The following NAV3 variants were observed in gnomAD, a reference collection of about 807,000 sequenced individuals.
NAV3 encodes neuron navigator 3.
Under a neutral mutation model 244.7 loss-of-function variants are expected in NAV3, and 87 were observed. The ratio of observed to expected loss-of-function variants is 0.36; its 90% CI spans 0.30 to 0.42. The LOEUF is 0.42. Among genes scored for constraint, NAV3 ranks in the 20% least tolerant of loss-of-function variants. The pLI is 1.00. For missense variants in NAV3, 2,663 were observed against 2,893.3 expected (o/e 0.92, Z 1.83); for synonymous variants, 1,126 against 1,042.2 (o/e 1.08, Z -1.55).
chr12:77,916,659 T>C (rs943531002), intron 1 of NAV3, among the ~76,000 whole-genome samples: 1 of 152,016 alleles, frequency 6.6e-6, no homozygotes, highest in African/African-American at 2.4e-5. Context: ...AGAAAAGGCA[T>C]TTGCAAAGAC....
At chr12:77,971,766 T>C (rs1461768579) in intron 5 of NAV3, among the ~76,000 whole-genome samples, 1 of 152,128 alleles carries the variant, frequency 6.6e-6, no homozygotes, top group Non-Finnish European at 1.5e-5. Flanking sequence ...GCTATACTTC[T>C]CTGGGTATTT....
chr12:77,805,359 G>A (rs1249933784), intron 2 of NAV3, among the ~76,000 whole-genome samples: 1 of 152,144 alleles, frequency 6.6e-6, no homozygotes, highest in Non-Finnish European at 1.5e-5. Context: ...CTAGTTTATT[G>A]AGAGTTTTTA....
intron 2 of NAV3, among the ~76,000 whole-genome samples, chr12:77,663,521 TC>T (rs1472563989): frequency 7.4e-6 from 1 of 135,444 alleles, no homozygotes; most frequent in South Asian, 2.2e-4. Flanking sequence ...TTCTTCTTCT[TC>T]TTTTTTTTTT....
Position 77,745,059 on chromosome 12 carries a change from A to G in NAV3, c.72+172793A>G, listed in dbSNP as rs577557502. 7.2e-5 allele frequency among the ~76,000 whole-genome samples: 11 copies of G among 152,126 alleles called. No individual in the cohort carries two copies. In the South Asian group the frequency reaches 2.1e-3, roughly 29 times the overall value. ...TCATTTTGGACAGTGAGGTGCTGCTACATAAGTGTGATAAGGAACACTAAT... is the reference window on the plus strand; with the variant it reads ...TCATTTTGGACAGTGAGGTGCTGCTGCATAAGTGTGATAAGGAACACTAAT... On this transcript the variant is annotated intron_variant, in intron 2 of 8. Coordinates refer to the NAV3 transcript ENST00000550042.
At chr12:78,159,117 A>G (rs1957420420) in intron 22 of NAV3, 86 bp from the exon 23 acceptor site, 2 of 1,109,002 alleles carry the variant, frequency 1.8e-6, no homozygotes, top group African/African-American at 3.2e-5. Flanking sequence ...AACACATGAA[A>G]TTAAGCATTT....
intron 2 of NAV3, among the ~76,000 whole-genome samples, chr12:77,720,138 TCTTA>T (rs1336287397): frequency 7.5e-6 from 1 of 133,078 alleles, no homozygotes; most frequent in Non-Finnish European, 1.6e-5. Flanking sequence ...GGCATCAGTT[TCTTA>T]CTTTACTTGA....
At chr12:78,143,496 T>C (rs1956718235) in intron 20 of NAV3, 1 of 336,958 alleles carries the variant, frequency 3.0e-6, no homozygotes, top group South Asian at 2.1e-5. Context: ...CCCGGTGTAG[T>C]GGCATACGTC....
chr12:78,179,751 G>C (rs1407809983), intron 29 of NAV3, 69 bp downstream of exon 29: 2 of 1,492,958 alleles, frequency 1.3e-6, no homozygotes, highest in African/African-American at 2.8e-5. Flanking sequence ...CTGTTCTCTT[G>C]GTTAACACAG....
chr12:77,736,878 G>A (rs1299912755), intron 2 of NAV3, among the ~76,000 whole-genome samples: 1 of 152,156 alleles, frequency 6.6e-6, no homozygotes, highest in Non-Finnish European at 1.5e-5. Flanking sequence ...AGGACTCTTG[G>A]GCAGCACTGT....
chr12:77,855,979 G>A (rs1217425369), intron 1 of NAV3, among the ~76,000 whole-genome samples: 1 of 152,112 alleles, frequency 6.6e-6, no homozygotes, highest in Non-Finnish European at 1.5e-5. Flanking sequence ...ATACAGATTC[G>A]TACTGCATTT....
At chr12:77,997,578 C>T (rs190273477) in intron 6 of NAV3, among the ~76,000 whole-genome samples, 146 of 152,296 alleles carry the variant, frequency 9.6e-4, no homozygotes, top group African/African-American at 3.3e-3. Flanking sequence ...GCTATTGTCA[C>T]TACATGTAAG....
chr12:77,953,968 G>T (rs1891132108), intron 3 of NAV3, among the ~76,000 whole-genome samples: 1 of 152,046 alleles, frequency 6.6e-6, no homozygotes. Flanking sequence ...TCTATCATTG[G>T]GCTGGAATCA....
At chr12:78,045,982 T>G (rs1191320630) in intron 9 of NAV3, among the ~76,000 whole-genome samples, 1 of 152,216 alleles carries the variant, frequency 6.6e-6, no homozygotes, top group African/African-American at 2.4e-5. Context: ...TGTCCAGGAA[T>G]TTATCCATTT....
intron 2 of NAV3, among the ~76,000 whole-genome samples, chr12:77,772,907 T>A (rs1870166322): frequency 6.6e-6 from 1 of 152,230 alleles, no homozygotes; most frequent in Non-Finnish European, 1.5e-5. Flanking sequence ...CCTTTCATTG[T>A]TGGCATTATG....
At position 78,100,275 on chromosome 12, in the gene NAV3, C is replaced by T. The variant is rs141718219; in HGVS notation, c.2637-16497C>T. 3.3e-3 allele frequency among the ~76,000 whole-genome samples: 500 copies of T among 151,832 alleles called. 3 individuals carry two copies. In the Middle Eastern group the frequency reaches 0.037, roughly 11 times the overall value. ...GATATAGTAACCTAATGTAGACTTC[C>T]CTTGATACATGAAAATAATGGTACT... On this transcript the variant is annotated intron_variant, in intron 12 of 39. Coordinates refer to ENST00000397909, the MANE Select transcript of NAV3 (RefSeq NM_001024383.2).
At chr12:77,655,485 G>A (rs527901720) in intron 2 of NAV3, among the ~76,000 whole-genome samples, 45 of 152,226 alleles carry the variant, frequency 3.0e-4, no homozygotes, top group Non-Finnish European at 5.0e-4. Flanking sequence ...TCTGATTGGT[G>A]TACCTGAAAG....
At chr12:78,034,793 A>G (rs758470140) in intron 9 of NAV3, among the ~76,000 whole-genome samples, 26 of 152,178 alleles carry the variant, frequency 1.7e-4, no homozygotes, top group Non-Finnish European at 3.8e-4. Flanking sequence ...TCTACTTAGG[A>G]ATTCTAAGGG....
intron 2 of NAV3, among the ~76,000 whole-genome samples, chr12:77,702,122 T>A (rs945971233): frequency 1.3e-5 from 2 of 152,030 alleles, no homozygotes; most frequent in African/African-American, 4.8e-5. Flanking sequence ...TTTTGCTTTG[T>A]GTATTTTGAA....
At chr12:78,160,316 C>G (rs1957474505) in intron 23 of NAV3, among the ~76,000 whole-genome samples, 1 of 151,512 alleles carries the variant, frequency 6.6e-6, no homozygotes, top group Non-Finnish European at 1.5e-5. Flanking sequence ...TGCTGTTAGT[C>G]CAGTGGCCTT....
Sources: gnomAD v4.1 joint callset for allele counts (sites outside exome capture counted in the v4.1 genomes callset) on GRCh38, gnomAD v4.1.1 for gene constraint, MANE v1.5 for transcripts, NCBI Gene and HGNC (gene_info 2026-07-23, HGNC 2026-07-21) for gene names.